Variants in WNT9A observed in about 807,000 individuals in gnomAD.
WNT9A encodes the protein protein Wnt-9a.
In WNT9A, 8 loss-of-function variants were observed where a neutral mutation model predicts 31.4. That is an observed-to-expected ratio of 0.26 (90% CI 0.15 to 0.46). WNT9A has a LOEUF of 0.46. Ranked by LOEUF, WNT9A falls within the 20% of genes least tolerant of loss-of-function variation. WNT9A has a pLI of 0.99. For missense variants in WNT9A, 457 were observed against 522.9 expected (o/e 0.87, Z 1.23); for synonymous variants, 236 against 220.1 (o/e 1.07, Z -0.64).
chr1:227,921,292 C>A lies in WNT9A; in HGVS notation c.*226G>T. On this transcript the variant is annotated 3_prime_UTR_variant, in exon 4 of 4. Coordinates refer to ENST00000272164, the MANE Select transcript of WNT9A (RefSeq NM_003395.4). ...CCATTCATGCTCTGTGCAATGCCTG[C>A]ACCCCATGCAGCTAGGACTGAGCCC... 1 of 637,520 alleles carries A rather than the reference C, an allele frequency of 1.6e-6. No homozygotes were observed. The allele number at this position is 637,520 out of a possible 1,614,324, so 39.5% of individuals were successfully genotyped here. A position where few individuals can be genotyped will look rare whatever the true frequency, so the allele number is the denominator to read the frequency against.
chr1:227,943,880 GCTGAGGTGGGAGGACGGTTGAGCCT>G (rs1471211284), intron 1 of WNT9A, among the ~76,000 whole-genome samples: 1 of 152,190 alleles, frequency 6.6e-6, no homozygotes, highest in Non-Finnish European at 1.5e-5. Context: ...TACTTGGGAT[GCTGAGGTGGGAGGACGGTTGAGCCT>G]CTGAGGTGGA....
At chr1:227,945,428 C>G (rs530384969) in intron 1 of WNT9A, among the ~76,000 whole-genome samples, 33 of 152,250 alleles carry the variant, frequency 2.2e-4, no homozygotes, top group Non-Finnish European at 4.0e-4. Flanking sequence ...CCAGAGGCCT[C>G]TAGGAGGGCA....
At chr1:227,938,053 C>T (rs938608053) in intron 1 of WNT9A, among the ~76,000 whole-genome samples, 5 of 152,154 alleles carry the variant, frequency 3.3e-5, no homozygotes, top group African/African-American at 4.8e-5. Context: ...CTCTCCTTAG[C>T]GGGTCCTGGC....
At chr1:227,934,553 G>A (rs1334105636) in intron 1 of WNT9A, among the ~76,000 whole-genome samples, 1 of 152,112 alleles carries the variant, frequency 6.6e-6, no homozygotes, top group Non-Finnish European at 1.5e-5. Flanking sequence ...CATCTCTACG[G>A]CATGTCTACT....
Position 227,921,846 on chromosome 1 carries a change from G to A in WNT9A, c.770C>T (p.Thr257Ile), listed in dbSNP as rs1666322142. Reference protein sequence around the residue: ...YETALKVGSTTNEAAGEAGAI... With the variant: ...YETALKVGSTINEAAGEAGAI... ...ACCTGCCTCGCCGGCAGCTTCATTG[G>A]TGGTGCTGCCCACCTTGAGTGCCGT... Residue 257 changes from threonine to isoleucine, a missense_variant, in exon 4 of 4, where the codon ACC (threonine) becomes ATC (isoleucine). By Grantham distance (89) the Thr-to-Ile change is moderately conservative (BLOSUM62 -1). Transcript: ENST00000272164. 1 of 1,613,154 alleles carries A rather than the reference G, an allele frequency of 6.2e-7. No individual in the cohort carries two copies. The highest frequency in any genetic ancestry group is 1.1e-5 in the South Asian group (1 of 91,086).
Position 227,921,855 on chromosome 1 carries a change from C to T in WNT9A, c.761G>A (p.Gly254Asp). The change falls in exon 4 of 4, where the codon GGC becomes GAC. Residue 254 changes from glycine (G) to aspartate (D), a missense_variant. By Grantham distance (94) the Gly-to-Asp change is moderately conservative. Transcript: ENST00000272164. ...GCCGGCAGCTTCATTGGTGGTGCTG[C>T]CCACCTTGAGTGCCGTCTCATACTT... ...KHKYETALKV[G>D]STTNEAAGEA... 6.2e-7 allele frequency: 1 copy of T among 1,613,140 alleles called. No homozygotes were observed. Among genetic ancestry groups the T allele is most frequent in the Non-Finnish European group, 8.5e-7 (1 of 1,179,938 alleles).
chr1:227,924,196 C>T lies in WNT9A; in HGVS notation c.557G>A (p.Arg186Gln), dbSNP rs755616309. ...ACGGGCTCGCAGATCCTTGCTTGACCGTCTGCCCAGGAATTCCTTGACGAA... is the reference window on the plus strand; with the variant it reads ...ACGGGCTCGCAGATCCTTGCTTGACTGTCTGCCCAGGAATTCCTTGACGAA... ...SKFVKEFLGR[R>Q]SSKDLRARVD... Residue 186 changes from arginine to glutamine, a missense_variant, in exon 3 of 4, where the codon CGG becomes CAG. Arg to Gln is a conservative substitution (Grantham distance 43). Transcript: ENST00000272164. The T allele has an allele frequency of 1.2e-5, 19 of 1,613,474 alleles. No homozygotes were observed. The highest frequency in any genetic ancestry group is 5.0e-5 in the Admixed American group (3 of 59,998).
At position 227,942,386 on chromosome 1, in the gene WNT9A, G is replaced by T. The variant is rs983904459; in HGVS notation, c.95+5407C>A. 6.6e-6 allele frequency among the ~76,000 whole-genome samples: 1 copy of T among 152,116 alleles called. No homozygotes were observed. The highest frequency in any genetic ancestry group is 2.4e-5 in the African/African-American group (1 of 41,436). On this transcript the variant is annotated intron_variant, in intron 1 of 3. Transcript: ENST00000272164. The surrounding 1 kb of genome is among the most constrained non-coding windows in gnomAD (Gnocchi z 5.7). Reference sequence around the variant, plus strand: ...AGGAAGGCCACCAGCGCCTGCAGGGGCCATCAGGCTGACACTCCAGACCCT... The same window carrying T: ...AGGAAGGCCACCAGCGCCTGCAGGGTCCATCAGGCTGACACTCCAGACCCT...
At chr1:227,937,528 A>G (rs1666615742) in intron 1 of WNT9A, among the ~76,000 whole-genome samples, 1 of 152,262 alleles carries the variant, frequency 6.6e-6, no homozygotes, top group African/African-American at 2.4e-5. Context: ...CATCCCAGAC[A>G]TGGTGGGCTC....
Position 227,926,150 on chromosome 1 carries a change from C to A in WNT9A, c.96-631G>T, listed in dbSNP as rs114336260. ...CAGCTCTTGGTTCTCTGACACTCTA[C>A]CCCTCTCACCTCACCAAATCTGGAC... On this transcript the variant is annotated intron_variant, in intron 1 of 3. Coordinates refer to ENST00000272164, the MANE Select transcript of WNT9A (RefSeq NM_003395.4). The surrounding 1 kb of genome is among the most constrained non-coding windows in gnomAD (Gnocchi z 5.0). Among the ~76,000 whole-genome samples, 1,404 of 152,202 alleles carry A rather than the reference C, an allele frequency of 9.2e-3. 26 individuals are homozygous for A. The highest frequency in any genetic ancestry group is 0.032 in the African/African-American group (1,319 of 41,526).
intron 1 of WNT9A, among the ~76,000 whole-genome samples, chr1:227,947,101 AAG>A (rs905099789): frequency 1.3e-5 from 2 of 152,146 alleles, no homozygotes; most frequent in Non-Finnish European, 2.9e-5. Context: ...GAAAGAAAGG[AAG>A]AGAGAGACGC....
intron 3 of WNT9A, 79 bp downstream of exon 3, chr1:227,924,059 C>CA: frequency 1.4e-6 from 1 of 695,790 alleles, no homozygotes; most frequent in Non-Finnish European, 2.1e-6. Context: ...GCCCCGCCCC[C>CA]AGTCCCACGC....
Position 227,925,388 on chromosome 1 carries a change from G to A in WNT9A, c.227C>T (p.Pro76Leu), listed in dbSNP as rs537200089. The A allele has an allele frequency of 9.9e-6, 16 of 1,610,640 alleles. No homozygotes were observed. The African/African-American group carries it at 1.6e-4, about 16-fold the overall frequency. The stretch of plus-strand genomic sequence containing the variant: ...CTCCACCAGCGTCTCTGCCACGCCC[G>A]GGTCCCGGCGGCACATGCGCCGCTG... The part of the protein sequence containing the change: ...RKQRRMCRRD[P>L]GVAETLVEAV... Residue 76 changes from proline (P) to leucine (L), a missense_variant, in exon 2 of 4, where the codon CCG becomes CTG. Physicochemically the swap from Pro to Leu is moderately conservative, Grantham distance 98. Coordinates refer to ENST00000272164, the MANE Select transcript of WNT9A (RefSeq NM_003395.4). The surrounding 1 kb of genome is among the most constrained non-coding windows in gnomAD (Gnocchi z 6.0).
chr1:227,942,420 C>G lies in WNT9A; in HGVS notation c.95+5373G>C, dbSNP rs535329135. 1.3e-5 allele frequency among the ~76,000 whole-genome samples: 2 copies of G among 152,164 alleles called. No individual in the cohort carries two copies. The highest frequency in any genetic ancestry group is 6.5e-5 in the Admixed American group (1 of 15,290). ...CTGACACTCCAGACCCTCCCACTTA[C>G]GGCCCCACTGTCAGGGAAGCCAAGC... On this transcript the variant is annotated intron_variant, in intron 1 of 3. Coordinates refer to ENST00000272164, the MANE Select transcript of WNT9A (RefSeq NM_003395.4). This position sits in a 1 kb window ranked among gnomAD's most constrained non-coding sequence, Gnocchi z 5.7.
At chr1:227,945,995 GCA>G (rs1666787773) in intron 1 of WNT9A, among the ~76,000 whole-genome samples, 1 of 152,210 alleles carries the variant, frequency 6.6e-6, no homozygotes, top group African/African-American at 2.4e-5. Context: ...CCCAAAGGCA[GCA>G]CACTTGCCCT....
intron 2 of WNT9A, among the ~76,000 whole-genome samples, chr1:227,924,704 G>T (rs565832868): frequency 4.6e-5 from 7 of 152,320 alleles, no homozygotes; most frequent in Admixed American, 3.9e-4. Context: ...GGGGCCATTG[G>T]CAAGGCCTGC....
At chr1:227,938,342 TAC>T (rs1187312211) in intron 1 of WNT9A, among the ~76,000 whole-genome samples, 2 of 145,822 alleles carry the variant, frequency 1.4e-5, no homozygotes, top group Non-Finnish European at 3.0e-5. Flanking sequence ...TACAAACCTA[TAC>T]ACACAGACAC....
intron 1 of WNT9A, among the ~76,000 whole-genome samples, chr1:227,947,254 G>A (rs981930221): frequency 6.6e-6 from 1 of 152,170 alleles, no homozygotes; most frequent in South Asian, 2.1e-4. Context: ...CACAGAGTCA[G>A]AAGCAAAGCG....
chr1:227,939,822 A>G (rs1037081087), intron 1 of WNT9A, among the ~76,000 whole-genome samples: 2 of 152,196 alleles, frequency 1.3e-5, no homozygotes, highest in African/African-American at 4.8e-5. Context: ...AAATCAAAAC[A>G]AATTCTAGCA....
Sources: allele counts gnomAD v4.1 joint callset (sites outside exome capture counted in the v4.1 genomes callset), GRCh38; gene constraint gnomAD v4.1.1; non-coding constraint Gnocchi (gnomAD v3.1); transcripts MANE v1.5; gene names NCBI Gene and HGNC (gene_info 2026-07-23, HGNC 2026-07-21).